Variants in LRRC4C observed in about 807,000 individuals in gnomAD.
LRRC4C encodes the protein leucine-rich repeat-containing protein 4C.
LRRC4C carries 5 observed loss-of-function variants against 33.6 expected under a neutral mutation model. That is an observed-to-expected ratio of 0.15 (90% CI 0.08 to 0.31). LRRC4C has a LOEUF of 0.31. LRRC4C is among the 10% of genes least tolerant of loss of function. LRRC4C has a pLI of 1.00. For synonymous variants in LRRC4C, 329 were observed against 302.0 expected, an observed-to-expected ratio of 1.09 and a Z score of -0.93; for missense variants, 560 against 796.7, an observed-to-expected ratio of 0.70 and a Z score of 3.58.
At chr11:40,337,673 CATT>C (rs1397825997) in intron 3 of LRRC4C, among the ~76,000 whole-genome samples, 1 of 152,206 alleles carries the variant, frequency 6.6e-6, no homozygotes, top group Non-Finnish European at 1.5e-5. Flanking sequence ...TTGACACCAT[CATT>C]CTTTCCAACA....
At chr11:40,717,553 G>T (rs936002918) in intron 2 of LRRC4C, among the ~76,000 whole-genome samples, 7 of 152,006 alleles carry the variant, frequency 4.6e-5, no homozygotes, top group African/African-American at 1.7e-4. Context: ...AAAATAACAT[G>T]GGGTTCTTTT....
chr11:41,013,627 A>G (rs1213306828), intron 1 of LRRC4C, among the ~76,000 whole-genome samples: 1 of 152,186 alleles, frequency 6.6e-6, no homozygotes, highest in African/African-American at 2.4e-5. Context: ...GAAGAAAAAC[A>G]TATTTCTTAT....
intron 2 of LRRC4C, among the ~76,000 whole-genome samples, chr11:40,863,341 A>T (rs1565146714): frequency 6.6e-6 from 1 of 152,190 alleles, no homozygotes; most frequent in East Asian, 1.9e-4. Context: ...AGGCTCATTC[A>T]CTATGCCAAG....
intron 1 of LRRC4C, among the ~76,000 whole-genome samples, chr11:41,190,715 T>G (rs1446764053): frequency 6.6e-6 from 1 of 152,174 alleles, no homozygotes; most frequent in Non-Finnish European, 1.5e-5. Flanking sequence ...ACTTGATGTT[T>G]AAAATCTGAA....
intron 3 of LRRC4C, among the ~76,000 whole-genome samples, chr11:40,491,071 G>A (rs1250257731): frequency 2.0e-5 from 3 of 152,018 alleles, no homozygotes. Flanking sequence ...ATCATTTGAG[G>A]CCAGGAGTAG....
At chr11:40,847,298 T>G (rs1479894712) in intron 2 of LRRC4C, among the ~76,000 whole-genome samples, 5 of 152,224 alleles carry the variant, frequency 3.3e-5, no homozygotes, top group African/African-American at 1.2e-4. Context: ...TAAATAGCTC[T>G]TATTATTTTG....
At chr11:40,248,675 T>G (rs1402107032) in intron 4 of LRRC4C, among the ~76,000 whole-genome samples, 1 of 152,096 alleles carries the variant, frequency 6.6e-6, no homozygotes, top group Non-Finnish European at 1.5e-5. Context: ...TACACTGGTC[T>G]GGGTGACAGA....
chr11:40,173,456 G>T (rs1860212449), intron 5 of LRRC4C, among the ~76,000 whole-genome samples: 1 of 152,182 alleles, frequency 6.6e-6, no homozygotes. Context: ...ATGAATGATA[G>T]AATTGAATGG....
At chr11:41,197,164 T>TG (rs1401154065) in intron 1 of LRRC4C, among the ~76,000 whole-genome samples, 1 of 152,068 alleles carries the variant, frequency 6.6e-6, no homozygotes, top group African/African-American at 2.4e-5. Context: ...AAGGATTTTT[T>TG]GTTGTTCCTG....
intron 1 of LRRC4C, among the ~76,000 whole-genome samples, chr11:41,195,117 C>T (rs902841355): frequency 2.6e-5 from 4 of 151,986 alleles, no homozygotes; most frequent in Non-Finnish European, 5.9e-5. Flanking sequence ...CTTTTGCTCC[C>T]CTGTATTTTT....
At chr11:40,528,677 G>T (rs1956155324) in intron 3 of LRRC4C, among the ~76,000 whole-genome samples, 1 of 151,984 alleles carries the variant, frequency 6.6e-6, no homozygotes, top group African/African-American at 2.4e-5. Flanking sequence ...TCTCAAAAAA[G>T]ATATCTGTAC....
At chr11:40,383,660 T>C (rs1177410888) in intron 3 of LRRC4C, among the ~76,000 whole-genome samples, 1 of 152,096 alleles carries the variant, frequency 6.6e-6, no homozygotes, top group Non-Finnish European at 1.5e-5. Flanking sequence ...ACCTTCTTTT[T>C]AGAAATGTTA....
At chr11:40,190,819 T>C (rs1861778503) in intron 5 of LRRC4C, among the ~76,000 whole-genome samples, 1 of 152,170 alleles carries the variant, frequency 6.6e-6, no homozygotes, top group African/African-American at 2.4e-5. Flanking sequence ...AAAAAAGTGA[T>C]GACAATGATA....
chr11:40,939,066 C>T (rs952207747), intron 1 of LRRC4C, among the ~76,000 whole-genome samples: 21 of 152,042 alleles, frequency 1.4e-4, no homozygotes, highest in Middle Eastern at 3.4e-3. Context: ...TCTAAAATAA[C>T]GATTATTCTG....
In LRRC4C at chr11:40,375,807, C is replaced by T. The variant is rs181811389; in HGVS notation, c.-269-56086G>A. 4.3e-4 allele frequency among the ~76,000 whole-genome samples: 66 copies of T among 152,192 alleles called. No individual in the cohort carries two copies. The South Asian group carries it at 0.013, about 31-fold the overall frequency. On this transcript the variant is annotated intron_variant, in intron 3 of 6. Transcript: ENST00000528697. ...TTGGGAGTAGACAGACAGGCTACCACGGGAGTCACGTGCTTAATCTCTACA... is the reference window on the plus strand; with the variant it reads ...TTGGGAGTAGACAGACAGGCTACCATGGGAGTCACGTGCTTAATCTCTACA...
chr11:40,929,607 T>TTATTA (rs1957530494), intron 2 of LRRC4C, among the ~76,000 whole-genome samples: 1 of 151,968 alleles, frequency 6.6e-6, no homozygotes, highest in Non-Finnish European at 1.5e-5. Context: ...CAATTCTTTT[T>TTATTA]TATTTTATTT....
intron 1 of LRRC4C, among the ~76,000 whole-genome samples, chr11:41,271,284 C>A (rs1949311534): frequency 6.6e-6 from 1 of 152,016 alleles, no homozygotes; most frequent in Non-Finnish European, 1.5e-5. Flanking sequence ...TCAAACCACT[C>A]CAAAGGCTTT....
At chr11:40,852,763 A>G (rs1042253550) in intron 2 of LRRC4C, among the ~76,000 whole-genome samples, 3 of 152,254 alleles carry the variant, frequency 2.0e-5, no homozygotes, top group Admixed American at 2.0e-4. Flanking sequence ...TGCAATTCTC[A>G]GATATCAACT....
At chr11:40,703,962 CTCAGTTATGGTTACCCTCCA>C (rs1946014474) in intron 2 of LRRC4C, among the ~76,000 whole-genome samples, 1 of 152,044 alleles carries the variant, frequency 6.6e-6, no homozygotes, top group Non-Finnish European at 1.5e-5. Context: ...TATTTAAATG[CTCAGTTATGGTTACCCTCCA>C]TATTCACTAG....
Sources: allele counts gnomAD v4.1 joint callset (sites outside exome capture counted in the v4.1 genomes callset), GRCh38; gene constraint gnomAD v4.1.1; transcripts MANE v1.5; gene names NCBI Gene and HGNC (gene_info 2026-07-23, HGNC 2026-07-21).